Variants in LINGO2 observed in about 807,000 individuals in gnomAD.
LINGO2 encodes the protein leucine-rich repeat and immunoglobulin-like domain-containing nogo receptor-interacting protein 2.
Under a neutral mutation model 30.6 loss-of-function variants are expected in LINGO2, and 14 were observed. The ratio of observed to expected loss-of-function variants is 0.46; its 90% confidence interval spans 0.30 to 0.72. The LOEUF is 0.72. Ranked by LOEUF, LINGO2 falls within the 30% of genes least tolerant of loss-of-function variation. LINGO2 has a pLI of 0.07. For missense variants in LINGO2, 729 were observed against 751.7 expected, an observed-to-expected ratio of 0.97 and a Z score of 0.35; for synonymous variants, 317 against 288.5, an observed-to-expected ratio of 1.10 and a Z score of -1.00.
At chr9:29,067,927 T>C in the LINGO2 span, among the ~76,000 whole-genome samples, 1 of 151,736 alleles carries the variant, frequency 6.6e-6, no homozygotes, top group Non-Finnish European at 1.5e-5. Flanking sequence ...AAAGGAGCTT[T>C]AAAAACTAGT....
At chr9:28,837,743 C>CT in the LINGO2 span, among the ~76,000 whole-genome samples, 1 of 143,980 alleles carries the variant, frequency 6.9e-6, no homozygotes, top group African/African-American at 2.6e-5. Flanking sequence ...GAGAACTGGG[C>CT]TTAGAGACAG....
chr9:28,959,609 C>CT, the LINGO2 span, among the ~76,000 whole-genome samples: 21,254 of 139,874 alleles, frequency 0.15, 1,920 homozygotes, highest in African/African-American at 0.24. Flanking sequence ...CTCTCTCTCT[C>CT]CCTCACACAC....
chr9:28,528,750 C>T (rs1395161626), intron 1 of LINGO2, among the ~76,000 whole-genome samples: 1 of 149,760 alleles, frequency 6.7e-6, no homozygotes, highest in Non-Finnish European at 1.5e-5. Flanking sequence ...CTACTATTCT[C>T]TGCAGCAAAG....
the LINGO2 span, among the ~76,000 whole-genome samples, chr9:28,817,985 G>C: frequency 1.3e-5 from 2 of 152,158 alleles, no homozygotes; most frequent in African/African-American, 4.8e-5. Context: ...GAAAACAACA[G>C]TAAAATGGAG....
intron 5 of LINGO2, among the ~76,000 whole-genome samples, chr9:27,995,443 T>C (rs1821612361): frequency 6.6e-6 from 1 of 152,164 alleles, no homozygotes; most frequent in South Asian, 2.1e-4. Context: ...AAACGCTACA[T>C]GCCAATATCC....
exon 4 of LINGO2, chr9:28,295,210 G>A (rs1464873300): frequency 6.6e-6 from 1 of 152,520 alleles, no homozygotes; most frequent in Non-Finnish European, 1.5e-5. Context: ...AACCTTACCT[G>A]GTTTACTCTT....
chr9:28,903,748 G>T, the LINGO2 span, among the ~76,000 whole-genome samples: 3 of 151,984 alleles, frequency 2.0e-5, no homozygotes, highest in Non-Finnish European at 2.9e-5. Context: ...CAGAGCACTG[G>T]GATTACAGAT....
At chr9:28,673,764 G>T (rs1273598794), upstream of LINGO2, among the ~76,000 whole-genome samples, 1 of 152,028 alleles carries the variant, frequency 6.6e-6, no homozygotes, top group Non-Finnish European at 1.5e-5. Flanking sequence ...AGAATTGGTA[G>T]ATGTAGCTCA....
chr9:28,500,161 T>A (rs1160872232), intron 1 of LINGO2, among the ~76,000 whole-genome samples: 1 of 152,170 alleles, frequency 6.6e-6, no homozygotes, highest in African/African-American at 2.4e-5. Context: ...GTGGGTCTTC[T>A]GACTTTGAAG....
At chr9:28,334,880 C>T (rs1825539417) in intron 3 of LINGO2, among the ~76,000 whole-genome samples, 1 of 152,038 alleles carries the variant, frequency 6.6e-6, no homozygotes, top group Non-Finnish European at 1.5e-5. Flanking sequence ...TTTAAAACAC[C>T]AGAATTCAGG....
chr9:28,797,333 T>TAC, the LINGO2 span, among the ~76,000 whole-genome samples: 4 of 52,994 alleles, frequency 7.5e-5, no homozygotes, highest in Non-Finnish European at 1.0e-4. Flanking sequence ...TATATACATA[T>TAC]ATATATATAT....
chr9:28,575,361 T>C (rs1323830262), intron 1 of LINGO2, among the ~76,000 whole-genome samples: 1 of 149,190 alleles, frequency 6.7e-6, no homozygotes, highest in Non-Finnish European at 1.5e-5. Flanking sequence ...ATTGTGCCAC[T>C]GCACTCCAGC....
At chr9:28,238,319 C>T (rs1292503431) in intron 4 of LINGO2, among the ~76,000 whole-genome samples, 4 of 152,106 alleles carry the variant, frequency 2.6e-5, no homozygotes, top group East Asian at 1.9e-4. Context: ...ATATACAGAA[C>T]ATTTCATCCA....
At chr9:27,954,811 C>T (rs924880232) in intron 5 of LINGO2, among the ~76,000 whole-genome samples, 1 of 152,144 alleles carries the variant, frequency 6.6e-6, no homozygotes, top group African/African-American at 2.4e-5. Flanking sequence ...TTTAGTTTTT[C>T]TGAGAAATTT....
intron 4 of LINGO2, among the ~76,000 whole-genome samples, chr9:28,022,596 C>T (rs1936306): frequency 0.065 from 9,816 of 152,064 alleles, 415 homozygotes; most frequent in Non-Finnish European, 0.095. Context: ...TCCCTTTCAA[C>T]AGTTTAAATA....
intron 1 of LINGO2, among the ~76,000 whole-genome samples, chr9:28,554,062 C>T (rs1382502730): frequency 6.6e-6 from 1 of 152,006 alleles, no homozygotes; most frequent in African/African-American, 2.4e-5. Flanking sequence ...ATGTAAAGAA[C>T]ATCGAGACTA....
At chr9:28,702,259 T>G in the LINGO2 span, among the ~76,000 whole-genome samples, 1 of 151,884 alleles carries the variant, frequency 6.6e-6, no homozygotes, top group South Asian at 2.1e-4. Flanking sequence ...ACTTTAGAAT[T>G]TTTTTTGTAG....
the LINGO2 span, among the ~76,000 whole-genome samples, chr9:28,822,753 G>A: frequency 6.6e-6 from 1 of 152,154 alleles, no homozygotes; most frequent in South Asian, 2.1e-4. Context: ...CCTTTCTTAG[G>A]ACCTTGAGGT....
At chr9:28,886,805 A>G in the LINGO2 span, among the ~76,000 whole-genome samples, 3 of 152,160 alleles carry the variant, frequency 2.0e-5, no homozygotes, top group Non-Finnish European at 4.4e-5. Flanking sequence ...CAATTGTGAG[A>G]CACATTTAGG....
Sources: gnomAD v4.1 joint callset for allele counts (sites outside exome capture counted in the v4.1 genomes callset) on GRCh38, gnomAD v4.1.1 for gene constraint, MANE v1.5 for transcripts, NCBI Gene and HGNC (gene_info 2026-07-23, HGNC 2026-07-21) for gene names.